RSRC1: variants seen among roughly 807,000 people sequenced by gnomAD.
RSRC1 encodes the protein arginine and serine rich coiled-coil 1.
RSRC1 carries 39 observed loss-of-function variants against 49.1 expected under a neutral mutation model. The observed-to-expected ratio is 0.79, with a 90% CI of 0.61 to 1.04. The LOEUF (loss-of-function observed/expected upper bound fraction) is 1.04, where lower values mean the gene tolerates loss of function less well. Among genes scored for constraint, RSRC1 ranks in the 50% least tolerant of loss-of-function variants. RSRC1 has a pLI of 0.00. For missense variants in RSRC1, 388 were observed against 402.4 expected, an observed-to-expected ratio of 0.96 and a Z score of 0.31; for synonymous variants, 143 against 130.8, an observed-to-expected ratio of 1.09 and a Z score of -0.63.
intron 6 of RSRC1, among the ~76,000 whole-genome samples, chr3:158,391,968 AAG>A (rs2108295262): frequency 6.6e-6 from 1 of 152,184 alleles, no homozygotes; most frequent in Non-Finnish European, 1.5e-5. Context: ...AGAATTCTGA[AAG>A]AGGTGCTGCT....
intron 6 of RSRC1, among the ~76,000 whole-genome samples, chr3:158,375,189 A>AACG: frequency 1.0e-5 from 1 of 98,514 alleles, no homozygotes; most frequent in Non-Finnish European, 2.3e-5. Flanking sequence ...TATTATTATT[A>AACG]TTATTATTAT....
intron 7 of RSRC1, among the ~76,000 whole-genome samples, chr3:158,487,949 G>GAAAAAAACAAAAAAAAAAAAAAAAAAA (rs1738889194): frequency 3.5e-5 from 1 of 28,920 alleles, no homozygotes; most frequent in African/African-American, 1.3e-4. Flanking sequence ...TCCATCTCAA[G>GAAAAAAACAAAAAAAAAAAAAAAAAAA]AAAAAAAAAA....
chr3:158,402,330 C>T (rs1030427769), intron 6 of RSRC1, among the ~76,000 whole-genome samples: 6 of 151,766 alleles, frequency 4.0e-5, no homozygotes, highest in African/African-American at 1.5e-4. Context: ...ATCAGACCCT[C>T]ATCAGTCTAC....
At chr3:158,367,661 T>C (rs1731846632) in intron 6 of RSRC1, among the ~76,000 whole-genome samples, 1 of 152,208 alleles carries the variant, frequency 6.6e-6, no homozygotes. Flanking sequence ...CCTCATAAAA[T>C]GAGTTGGGGA....
intron 6 of RSRC1, among the ~76,000 whole-genome samples, chr3:158,456,311 T>G (rs1470447353): frequency 6.8e-6 from 1 of 146,296 alleles, no homozygotes; most frequent in Non-Finnish European, 1.5e-5. Flanking sequence ...ACGTGAGGGT[T>G]TTTTTTTTTT....
chr3:158,151,475 A>C (rs1263933493), intron 3 of RSRC1, among the ~76,000 whole-genome samples: 1 of 152,168 alleles, frequency 6.6e-6, no homozygotes, highest in African/African-American at 2.4e-5. Context: ...TGTAGTGTTC[A>C]TGACCTACTT....
intron 6 of RSRC1, among the ~76,000 whole-genome samples, chr3:158,383,438 G>A (rs1313680854): frequency 2.0e-5 from 3 of 152,134 alleles, no homozygotes; most frequent in African/African-American, 7.2e-5. Flanking sequence ...GAGGCTGACT[G>A]TGCAGCAAAA....
chr3:158,318,343 C>G (rs1728581876), intron 5 of RSRC1, among the ~76,000 whole-genome samples: 1 of 152,172 alleles, frequency 6.6e-6, no homozygotes, highest in Admixed American at 6.5e-5. Context: ...TCAGGACCAT[C>G]CTGGGCAATA....
intron 6 of RSRC1, among the ~76,000 whole-genome samples, chr3:158,423,964 TA>T: frequency 6.8e-6 from 1 of 148,108 alleles, no homozygotes; most frequent in Non-Finnish European, 1.5e-5. Flanking sequence ...AGCTTAAGGA[TA>T]TTTTGGGCTG....
intron 7 of RSRC1, among the ~76,000 whole-genome samples, chr3:158,496,235 T>C (rs1438961366): frequency 6.6e-6 from 1 of 152,192 alleles, no homozygotes; most frequent in Non-Finnish European, 1.5e-5. Flanking sequence ...ATTTGTCATA[T>C]TTTTGCATAC....
At position 158,544,364 on chromosome 3, in the gene RSRC1, A is replaced by C; in HGVS notation, c.*89A>C. 1 of 782,646 alleles carries C rather than the reference A, an allele frequency of 1.3e-6. No individual in the cohort carries two copies. Among genetic ancestry groups the C allele is most frequent in the South Asian group, 1.9e-5 (1 of 53,078 alleles). The allele number at this position is 782,646 out of a possible 1,614,324, so 48.5% of individuals were successfully genotyped here. The stretch of plus-strand genomic sequence containing the variant: ...CCAATATTAACTTTTTACTCTTAAA[A>C]AGAATTTTGCTGATTATATATAAAG... On this transcript the variant is annotated 3_prime_UTR_variant, in exon 10 of 10. Coordinates refer to ENST00000611884, the MANE Select transcript of RSRC1 (RefSeq NM_001271838.2).
intron 4 of RSRC1, among the ~76,000 whole-genome samples, chr3:158,234,378 T>C (rs1723126912): frequency 1.3e-5 from 2 of 152,172 alleles, no homozygotes; most frequent in Admixed American, 1.3e-4. Context: ...TTATGTAAAT[T>C]TTGTAGTGAT....
chr3:158,203,216 G>A lies in RSRC1; in HGVS notation c.465G>A (p.Lys155=), dbSNP rs1158019238. 1 of 1,603,282 alleles carries A rather than the reference G, an allele frequency of 6.2e-7. No individual in the cohort carries two copies. The highest frequency in any genetic ancestry group is 8.5e-7 in the Non-Finnish European group (1 of 1,174,350). Residue 155 remains lysine (K), a synonymous_variant, in exon 4 of 10, where the codon AAG becomes AAA. Coordinates refer to ENST00000611884, the MANE Select transcript of RSRC1 (RefSeq NM_001271838.2). ...EKREKEKDKG[K]DKELHNIKRG... is the part of the protein sequence containing the mutation. ...GAGAAAAGGAGAAGGATAAAGGGAA[G>A]GACAAGGAATTACATAACATCAAAC...
chr3:158,407,744 C>T (rs1734229720), intron 6 of RSRC1, among the ~76,000 whole-genome samples: 1 of 152,164 alleles, frequency 6.6e-6, no homozygotes, highest in African/African-American at 2.4e-5. Context: ...AAAAACACCT[C>T]ATCAAGAAGT....
chr3:158,544,098 C>A (rs1451726417), intron 9 of RSRC1, 85 bp from the exon 10 acceptor site: 4 of 870,200 alleles, frequency 4.6e-6, no homozygotes, highest in East Asian at 2.4e-5. Context: ...GAGATATATT[C>A]TACAAAGGTG....
intron 7 of RSRC1, among the ~76,000 whole-genome samples, chr3:158,534,073 G>A (rs1025775875): frequency 2.0e-5 from 3 of 151,532 alleles, no homozygotes; most frequent in South Asian, 2.1e-4. Flanking sequence ...AAAGGTGGGA[G>A]TATTGGCTGT....
chr3:158,317,419 AG>A (rs1228003745), intron 5 of RSRC1, among the ~76,000 whole-genome samples: 1 of 151,974 alleles, frequency 6.6e-6, no homozygotes, highest in East Asian at 1.9e-4. Context: ...TTGTAGATTC[AG>A]GGTTTCACCA....
At position 158,468,293 on chromosome 3, in the gene RSRC1, C is replaced by CG. The variant is rs1737980084; in HGVS notation, c.652+7290_652+7291insG. Among the ~76,000 whole-genome samples the CG allele has an allele frequency of 2.0e-5, 3 of 152,262 alleles. No individual in the cohort carries two copies. In the South Asian group the frequency reaches 6.2e-4, roughly 32 times the overall value. On this transcript the variant is annotated intron_variant, in intron 7 of 9. Coordinates refer to ENST00000611884, the MANE Select transcript of RSRC1 (RefSeq NM_001271838.2). ...TTTTTCAAGCTAGCTCTAAATAACT[C>CG]AAGTATTAAAGCCTATACCACTTAC...
At chr3:158,123,249 T>C (rs1234493469) in intron 2 of RSRC1, among the ~76,000 whole-genome samples, 1 of 152,164 alleles carries the variant, frequency 6.6e-6, no homozygotes, top group Non-Finnish European at 1.5e-5. Context: ...TCAGGTGATC[T>C]GCCCTCCTCA....
Sources: gnomAD v4.1 joint callset for allele counts (sites outside exome capture counted in the v4.1 genomes callset) on GRCh38, gnomAD v4.1.1 for gene constraint, MANE v1.5 for transcripts, NCBI Gene and HGNC (gene_info 2026-07-23, HGNC 2026-07-21) for gene names.